Variants in ENTREP3 observed in about 807,000 individuals in gnomAD.
ENTREP3 encodes endosomal transmembrane epsin interactor 3.
the ENTREP3 span, chr1:155,251,204 T>C: frequency 1.3e-6 from 2 of 1,481,558 alleles, no homozygotes; most frequent in African/African-American, 1.4e-5. Context: ...CCCTACACAC[T>C]GAACACCCCC....
At chr1:155,250,360 G>A in the ENTREP3 span, 13 of 1,546,176 alleles carry the variant, frequency 8.4e-6, no homozygotes, top group South Asian at 6.0e-5. This position sits in a 1 kb window ranked among gnomAD's most constrained non-coding sequence, Gnocchi z 5.4. Context: ...TGAGGAGGCC[G>A]GTGCCCCGGT....
the ENTREP3 span, chr1:155,253,970 C>T: frequency 1.2e-6 from 2 of 1,612,824 alleles, no homozygotes; most frequent in Admixed American, 3.3e-5. Flanking sequence ...ACACACAGAC[C>T]TTTCCTTCCT....
At chr1:155,251,079 AT>A in the ENTREP3 span, 1 of 1,608,316 alleles carries the variant, frequency 6.2e-7, no homozygotes, top group East Asian at 2.2e-5. Context: ...TCCACCCCTC[AT>A]TACGCCCTGC....
chr1:155,251,581 A>G, the ENTREP3 span: 5 of 1,614,088 alleles, frequency 3.1e-6, no homozygotes, highest in Non-Finnish European at 4.2e-6. Context: ...TGGGCTGTCC[A>G]TGGAGCCATT....
the ENTREP3 span, chr1:155,250,636 C>G: frequency 6.2e-7 from 1 of 1,611,176 alleles, no homozygotes; most frequent in Non-Finnish European, 8.5e-7. This position sits in a 1 kb window ranked among gnomAD's most constrained non-coding sequence, Gnocchi z 5.4. Flanking sequence ...TCGAAGGGGC[C>G]CCGCAGGCCA....
the ENTREP3 span, among the ~76,000 whole-genome samples, chr1:155,249,977 T>C: frequency 1.3e-5 from 2 of 150,812 alleles, no homozygotes; most frequent in Non-Finnish European, 1.5e-5. Flanking sequence ...AGAGAGTCAC[T>C]TGAACCCGGG....
At chr1:155,254,475 C>T in the ENTREP3 span, 3 of 1,614,068 alleles carry the variant, frequency 1.9e-6, no homozygotes, top group African/African-American at 2.7e-5. The surrounding 1 kb of genome is among the most constrained non-coding windows in gnomAD (Gnocchi z 4.4). Context: ...AGAGTGGGCA[C>T]AGGCTCAGCC....
chr1:155,255,342 A>G, the ENTREP3 span: 1 of 166,792 alleles, frequency 6.0e-6, no homozygotes, highest in East Asian at 1.7e-4. The surrounding 1 kb of genome is among the most constrained non-coding windows in gnomAD (Gnocchi z 5.6). Context: ...CAGGGCGTCC[A>G]GTAGGATCCG....
the ENTREP3 span, chr1:155,248,435 C>T: frequency 3.1e-6 from 5 of 1,613,976 alleles, no homozygotes; most frequent in South Asian, 5.5e-5. Flanking sequence ...GAAGCAGCTT[C>T]TTCCTCAAGC....
chr1:155,250,249 G>A, the ENTREP3 span: 1 of 1,538,926 alleles, frequency 6.5e-7, no homozygotes, highest in Non-Finnish European at 8.8e-7. This position sits in a 1 kb window ranked among gnomAD's most constrained non-coding sequence, Gnocchi z 5.4. Context: ...CCTCTCCTGA[G>A]CCTGGGCAGT....
the ENTREP3 span, chr1:155,254,873 A>G: frequency 6.4e-7 from 1 of 1,563,038 alleles, no homozygotes; most frequent in Non-Finnish European, 8.6e-7. This position sits in a 1 kb window ranked among gnomAD's most constrained non-coding sequence, Gnocchi z 4.4. Flanking sequence ...AGGCGAGGGC[A>G]TCATGCCTGC....
At chr1:155,250,461 C>G in the ENTREP3 span, 1 of 1,475,460 alleles carries the variant, frequency 6.8e-7, no homozygotes, top group Non-Finnish European at 9.0e-7. This position sits in a 1 kb window ranked among gnomAD's most constrained non-coding sequence, Gnocchi z 5.4. Flanking sequence ...CCGGGGGACC[C>G]GCCGCCTCAG....
chr1:155,250,518 T>C, the ENTREP3 span: 2 of 1,518,044 alleles, frequency 1.3e-6, no homozygotes, highest in East Asian at 2.4e-5. This position sits in a 1 kb window ranked among gnomAD's most constrained non-coding sequence, Gnocchi z 5.4. Flanking sequence ...CTCCAACCGG[T>C]GGCAGCTGCG....
the ENTREP3 span, among the ~76,000 whole-genome samples, chr1:155,249,880 C>T: frequency 4.1e-5 from 5 of 120,740 alleles, no homozygotes; most frequent in Admixed American, 8.0e-5. Flanking sequence ...AGCGAGACAC[C>T]GTCTCAAAAA....
the ENTREP3 span, chr1:155,253,939 G>C: frequency 2.7e-5 from 44 of 1,612,858 alleles, 1 homozygote; most frequent in African/African-American, 4.4e-4. Context: ...CAGGGCCGGA[G>C]GAGGGGAACA....
chr1:155,252,722 A>ATATTTATTTT, the ENTREP3 span: 1 of 13,204 alleles, frequency 7.6e-5, no homozygotes, highest in Non-Finnish European at 1.2e-4. Flanking sequence ...ATATATATAT[A>ATATTTATTTT]TTTTTTTTTT....
At chr1:155,249,884 TCA>T in the ENTREP3 span, among the ~76,000 whole-genome samples, 566 of 116,802 alleles carry the variant, frequency 4.8e-3, 8 homozygotes, top group African/African-American at 0.014. Flanking sequence ...AGACACCGTC[TCA>T]AAAAAAAAAA....
At chr1:155,251,943 TG>T in the ENTREP3 span, 1 of 1,388,916 alleles carries the variant, frequency 7.2e-7, no homozygotes, top group Non-Finnish European at 9.4e-7. Flanking sequence ...GTCTGGATTC[TG>T]GGAATACAGC....
At chr1:155,255,216 C>G in the ENTREP3 span, 1 of 329,598 alleles carries the variant, frequency 3.0e-6, no homozygotes. The surrounding 1 kb of genome is among the most constrained non-coding windows in gnomAD (Gnocchi z 5.6). Flanking sequence ...GAGGGGGCGG[C>G]GGCCTGGAGC....
Sources: gnomAD v4.1 joint callset for allele counts (sites outside exome capture counted in the v4.1 genomes callset) on GRCh38, gnomAD v4.1.1 for gene constraint, Gnocchi (gnomAD v3.1) non-coding constraint, MANE v1.5 for transcripts, NCBI Gene and HGNC (gene_info 2026-07-23, HGNC 2026-07-21) for gene names.